PA2G4: variants seen among roughly 807,000 people sequenced by gnomAD.
PA2G4 encodes the protein proliferation-associated protein 2G4.
Under a neutral mutation model 53.3 loss-of-function variants are expected in PA2G4, and 8 were observed. The ratio of observed to expected loss-of-function variants is 0.15; its 90% confidence interval spans 0.09 to 0.27. The LOEUF (loss-of-function observed/expected upper bound fraction) is 0.27. Among genes scored for constraint, PA2G4 ranks in the 10% least tolerant of loss-of-function variants. The pLI is 1.00. For missense variants in PA2G4, 208 were observed against 486.8 expected, an observed-to-expected ratio of 0.43 and a Z score of 5.39; for synonymous variants, 143 against 169.8, an observed-to-expected ratio of 0.84 and a Z score of 1.23.
intron 12 of PA2G4, 57 bp downstream of exon 12, chr12:56,111,586 C>T (rs537415938): frequency 1.4e-5 from 21 of 1,464,910 alleles, no homozygotes; most frequent in Non-Finnish European, 1.9e-5. Flanking sequence ...CTCTTTCTCC[C>T]ACTGTGTTAA....
chr12:56,112,853 G>A lies in PA2G4; in HGVS notation c.1150G>A (p.Gly384Arg). 6.3e-7 allele frequency: 1 copy of A among 1,581,164 alleles called. No individual in the cohort carries two copies. The highest frequency in any genetic ancestry group is 8.6e-7 in the Non-Finnish European group (1 of 1,168,216). The change falls in exon 13 of 13, where the codon GGG (glycine) becomes AGG (arginine). Residue 384 changes from glycine (G) to arginine (R), a missense_variant. Gly to Arg is a moderately radical substitution (Grantham distance 125, BLOSUM62 -2). Around this residue, in one of 3 missense-constraint regions of PA2G4, gnomAD observed 50 missense variants for 82.3 expected, o/e 0.61. Coordinates refer to ENST00000303305, the MANE Select transcript of PA2G4 (RefSeq NM_006191.3). The stretch of plus-strand genomic sequence containing the variant: ...CAAGACTGCAGAGAATGCCACCAGT[G>A]GGGAAACATTAGAAGAAAATGAAGC... ...ASKTAENATS[G>R]ETLEENEAGD
chr12:56,107,350 T>C, intron 4 of PA2G4, 94 bp downstream of exon 4: 1 of 1,122,444 alleles, frequency 8.9e-7, no homozygotes, highest in Non-Finnish European at 1.4e-6. Flanking sequence ...ACCACGTAAG[T>C]TGAGAGAGTC....
In PA2G4 at chr12:56,104,844, G is replaced by A; in HGVS notation, c.88+19G>A. 6.2e-7 allele frequency: 1 copy of A among 1,603,674 alleles called. No individual in the cohort carries two copies. The highest frequency in any genetic ancestry group is 1.1e-5 in the South Asian group (1 of 90,626). On this transcript the variant is annotated intron_variant, in intron 1 of 12. Coordinates refer to ENST00000303305, the MANE Select transcript of PA2G4 (RefSeq NM_006191.3). ...GCCAACAGTGAGTGCGGCCTCGGGGGTCGGGGAATCAAGGCTGATAGGGAA... is the reference window on the plus strand; with the variant it reads ...GCCAACAGTGAGTGCGGCCTCGGGGATCGGGGAATCAAGGCTGATAGGGAA...
chr12:56,112,814 T>G lies in PA2G4; in HGVS notation c.1120-9T>G, dbSNP rs763864775. ...ACAGGTCTTCTCCCTCTCCTTTTCT[T>G]GCATATAGGCCTCCAAGACTGCAGA... On this transcript the variant is annotated splice_polypyrimidine_tract_variant and intron_variant, in intron 12 of 12. Transcript: ENST00000303305. The G allele has an allele frequency of 3.8e-6, 6 of 1,573,008 alleles. No homozygotes were observed. The highest frequency in any genetic ancestry group is 3.5e-5 in the South Asian group (3 of 86,168).
At chr12:56,105,754 C>T (rs1463243829) in intron 1 of PA2G4, among the ~76,000 whole-genome samples, 1 of 152,222 alleles carries the variant, frequency 6.6e-6, no homozygotes, top group African/African-American at 2.4e-5. Context: ...TCTTTTCTCT[C>T]TTTCCAGTTA....
chr12:56,108,290 A>T (rs1411598398), intron 5 of PA2G4, among the ~76,000 whole-genome samples: 2 of 152,184 alleles, frequency 1.3e-5, no homozygotes, highest in Admixed American at 1.3e-4. Context: ...ACACTCATTT[A>T]ACCTGGGGCA....
At chr12:56,111,819 C>A (rs1436834472) in intron 12 of PA2G4, among the ~76,000 whole-genome samples, 1 of 150,976 alleles carries the variant, frequency 6.6e-6, no homozygotes, top group Non-Finnish European at 1.5e-5. Flanking sequence ...CTGCCATGCC[C>A]AGCCTTGCTT....
At chr12:56,110,872 G>A in intron 9 of PA2G4, 92 bp from the exon 10 acceptor site, 1 of 1,376,756 alleles carries the variant, frequency 7.3e-7, no homozygotes, top group Non-Finnish European at 1.0e-6. Flanking sequence ...CATGATTTCT[G>A]CCTGAGGGTA....
chr12:56,106,522 T>C, intron 1 of PA2G4, 66 bp from the exon 2 acceptor site: 2 of 1,435,282 alleles, frequency 1.4e-6, no homozygotes, highest in East Asian at 5.2e-5. Context: ...AACTTCCAGG[T>C]ATTCCTTGGG....
intron 2 of PA2G4, 48 bp downstream of exon 2, chr12:56,106,764 G>T: frequency 6.4e-7 from 1 of 1,555,376 alleles, no homozygotes; most frequent in Non-Finnish European, 8.6e-7. Flanking sequence ...CCCTTATTTG[G>T]TCCTATATGT....
chr12:56,104,973 C>G, intron 1 of PA2G4, 148 bp downstream of exon 1: 1 of 789,156 alleles, frequency 1.3e-6, no homozygotes, highest in Non-Finnish European at 2.2e-6. Flanking sequence ...TGGGAAGACC[C>G]GGTGTCGCGC....
In PA2G4 at chr12:56,111,324, G is replaced by C; in HGVS notation, c.1065+15G>C. On this transcript the variant is annotated intron_variant, in intron 11 of 12. Coordinates refer to ENST00000303305, the MANE Select transcript of PA2G4 (RefSeq NM_006191.3). ...CAGAGCTAAAGGTTAGTATGGAATA[G>C]AAGGTGGTGAGTATGTACATGGTAT... 1 of 1,614,182 alleles carries C rather than the reference G, an allele frequency of 6.2e-7. No individual in the cohort carries two copies. Among genetic ancestry groups the C allele is most frequent in the Middle Eastern group, 1.6e-4 (1 of 6,062 alleles).
At position 56,106,652 on chromosome 12, in the gene PA2G4, A is replaced by G; in HGVS notation, c.153A>G (p.Lys51=). ...SGVSVLSLCE[K]GDAMIMEETG... Reference sequence around the variant, plus strand: ...TGTCGGTACTGAGCCTGTGTGAGAAAGGTGATGCCATGATTATGGAAGAAA... The same window carrying G: ...TGTCGGTACTGAGCCTGTGTGAGAAGGGTGATGCCATGATTATGGAAGAAA... Residue 51 remains lysine, a synonymous_variant, in exon 2 of 13, where the codon AAA becomes AAG. Transcript: ENST00000303305. The G allele has an allele frequency of 6.2e-7, 1 of 1,607,050 alleles. No individual in the cohort carries two copies. The highest frequency in any genetic ancestry group is 8.5e-7 in the Non-Finnish European group (1 of 1,178,268).
At chr12:56,108,136 T>C (rs112317168) in intron 5 of PA2G4, among the ~76,000 whole-genome samples, 56 of 151,882 alleles carry the variant, frequency 3.7e-4, no homozygotes, top group African/African-American at 1.3e-3. Flanking sequence ...TGGTGGCACA[T>C]GCCTGTAATC....
chr12:56,111,541 A>C lies in PA2G4; in HGVS notation c.1119+12A>C, dbSNP rs1391692163. ...AGAAAAAAAAGAAGGTGTGTTATTA[A>C]CGATCATTCCTCTCTGGCAGGGTGA... On this transcript the variant is annotated intron_variant, in intron 12 of 12. Transcript: ENST00000303305. The C allele has an allele frequency of 1.5e-5, 24 of 1,611,426 alleles. No homozygotes were observed. Among genetic ancestry groups the C allele is most frequent in the Non-Finnish European group, 2.0e-5 (24 of 1,178,630 alleles).
Position 56,104,664 on chromosome 12 carries a change from G to C in PA2G4, c.-74G>C, listed in dbSNP as rs749782522. On this transcript the variant is annotated 5_prime_UTR_variant, in exon 1 of 13. Coordinates refer to ENST00000303305, the MANE Select transcript of PA2G4 (RefSeq NM_006191.3). ...GAGGATCGAGGGGACTCTGACCACA[G>C]CCTGTGGCTGGGAAGGGAGACAGAG... 2 of 1,362,676 alleles carry C rather than the reference G, an allele frequency of 1.5e-6. No individual in the cohort carries two copies. Among genetic ancestry groups the C allele is most frequent in the African/African-American group, 2.9e-5 (2 of 70,080 alleles). 84.4% of individuals were successfully genotyped at this position (1,362,676 alleles called of 1,614,324 possible).
Position 56,113,902 on chromosome 12 carries a change from T to A in PA2G4, c.*1014T>A, listed in dbSNP as rs1365914288. The A allele has an allele frequency of 1.4e-6, 1 of 702,254 alleles. No individual in the cohort carries two copies. Among genetic ancestry groups the A allele is most frequent in the East Asian group, 2.7e-5 (1 of 37,296 alleles). 43.5% of individuals were successfully genotyped at this position (702,254 alleles called of 1,614,324 possible). A position where few individuals can be genotyped will look rare whatever the true frequency, so the allele number is the denominator to read the frequency against. ...GACATTAAAATAAATTTGGATTTGC[T>A]CATAATGATGTGCTTTGTATGCTGC... On this transcript the variant is annotated 3_prime_UTR_variant, in exon 13 of 13. Coordinates refer to ENST00000303305, the MANE Select transcript of PA2G4 (RefSeq NM_006191.3).
At chr12:56,112,317 A>G (rs190034808) in intron 12 of PA2G4, among the ~76,000 whole-genome samples, 5 of 152,358 alleles carry the variant, frequency 3.3e-5, no homozygotes, top group African/African-American at 7.2e-5. Flanking sequence ...CCTACCTTGA[A>G]TGTGCTCAAA....
At chr12:56,109,534 C>T (rs963670412) in intron 6 of PA2G4, among the ~76,000 whole-genome samples, 5 of 149,556 alleles carry the variant, frequency 3.3e-5, no homozygotes, top group Non-Finnish European at 5.9e-5. Flanking sequence ...GCGAGATAAT[C>T]GCTTGAACCC....
Sources: gnomAD v4.1 joint callset for allele counts (sites outside exome capture counted in the v4.1 genomes callset) on GRCh38, gnomAD v4.1.1 for gene constraint, gnomAD v4.1.1 regional missense constraint, MANE v1.5 for transcripts, NCBI Gene and HGNC (gene_info 2026-07-23, HGNC 2026-07-21) for gene names.